Variants in RBM33 observed in about 807,000 individuals in gnomAD.
RBM33 encodes the protein RNA binding motif protein 33, also known as RNA-binding protein 33.
A neutral mutation model predicts 132.6 loss-of-function variants in RBM33; 28 were observed. The observed-to-expected ratio is 0.21, with a 90% confidence interval of 0.16 to 0.29. RBM33 has a LOEUF of 0.29. Among genes scored for constraint, RBM33 ranks in the 10% least tolerant of loss-of-function variants. The probability of loss-of-function intolerance (pLI) is 1.00; values close to 1 mark genes in which losing one functional copy is unlikely to be tolerated. For synonymous variants in RBM33, 634 were observed against 593.0 expected, an observed-to-expected ratio of 1.07 and a Z score of -1.01; for missense variants, 1,291 against 1,518.5, an observed-to-expected ratio of 0.85 and a Z score of 2.49.
In RBM33 at chr7:155,718,395, A is replaced by G. The variant is rs201955520; in HGVS notation, c.1212A>G (p.Leu404=). The change falls in exon 9 of 18, where the codon CTA becomes CTG. Residue 404 remains leucine (L), a synonymous_variant. Coordinates refer to ENST00000401878, the MANE Select transcript of RBM33 (RefSeq NM_053043.3). ...TVVTPVQVPL[L]PVPSQPRPAV... is the part of the protein sequence containing the mutation. ...GGGTTTTTCTTGCAGTGCCCTTGCTACCAGTTCCGAGCCAGCCGAGACCTG... is the reference window on the plus strand; with the variant it reads ...GGGTTTTTCTTGCAGTGCCCTTGCTGCCAGTTCCGAGCCAGCCGAGACCTG... 1.2e-6 allele frequency: 2 copies of G among 1,613,872 alleles called. No homozygotes were observed. The highest frequency in any genetic ancestry group is 2.7e-5 in the African/African-American group (2 of 75,028).
chr7:155,673,482 GTATA>G lies in RBM33; in HGVS notation c.171+574_171+577del, dbSNP rs537794764. Among the ~76,000 whole-genome samples the G allele has an allele frequency of 2.1e-5, 3 of 143,122 alleles. No homozygotes were observed. The East Asian group carries it at 6.4e-4, about 31-fold the overall frequency. The allele number at this position is 143,122 out of a possible 152,430, so 93.9% of individuals were successfully genotyped here. A position where few individuals can be genotyped will look rare whatever the true frequency, so the allele number is the denominator to read the frequency against. On this transcript the variant is annotated intron_variant, in intron 3 of 17. Coordinates refer to ENST00000401878, the MANE Select transcript of RBM33 (RefSeq NM_053043.3). ...CACATATATATATACATACACGTGT[GTATA>G]TATATACACACATATATACATACAC...
Position 155,739,991 on chromosome 7 carries a change from C to T in RBM33, c.2014C>T (p.Arg672Trp), listed in dbSNP as rs1182674363. The T allele has an allele frequency of 5.1e-6, 8 of 1,565,116 alleles. No homozygotes were observed. Among genetic ancestry groups the T allele is most frequent in the East Asian group, 2.3e-5 (1 of 42,828 alleles). Residue 672 changes from arginine (R) to tryptophan (W), a missense_variant, in exon 12 of 18, where the codon CGG becomes TGG. By Grantham distance (101) the Arg-to-Trp change is moderately radical. Transcript: ENST00000401878. ...QTAQPQASSSRMQCPQRQGLR... is the reference protein window; with the variant it reads ...QTAQPQASSSWMQCPQRQGLR... ...CGCTCAGCCTCAGGCCAGCAGCAGC[C>T]GGATGCAGTGCCCCCAGCGCCAGGG... is the stretch of plus-strand genomic sequence containing the variant.
At chr7:155,773,093 T>C (rs1002832852) in intron 16 of RBM33, among the ~76,000 whole-genome samples, 2 of 152,250 alleles carry the variant, frequency 1.3e-5, no homozygotes, top group African/African-American at 4.8e-5. Context: ...TGTGCCTCAG[T>C]ATTTTCAAGG....
At chr7:155,735,183 A>G (rs1421197657) in intron 9 of RBM33, among the ~76,000 whole-genome samples, 2 of 152,228 alleles carry the variant, frequency 1.3e-5, no homozygotes, top group East Asian at 1.9e-4. Context: ...GAGGAATACA[A>G]TATTATTTTG....
rs1221855987 is a variant in RBM33 at position 155,706,984 on chromosome 7, G to T, written c.864G>T (p.Val288=). The T allele has an allele frequency of 1.9e-6, 3 of 1,594,674 alleles. No homozygotes were observed. The highest frequency in any genetic ancestry group is 2.7e-5 in the African/African-American group (2 of 74,568). The change falls in exon 7 of 18, where the codon GTG becomes GTT. Residue 288 remains valine (V), a synonymous_variant. Transcript: ENST00000401878. ...RRGGPLMCRG[V]GDQRRESTER... ...GAGGTCCGCTGATGTGTCGTGGTGT[G>T]GGGGACCAGAGGAGAGAGAGCACCG...
At chr7:155,690,276 G>A (rs979417774) in intron 5 of RBM33, among the ~76,000 whole-genome samples, 1 of 152,132 alleles carries the variant, frequency 6.6e-6, no homozygotes, top group Non-Finnish European at 1.5e-5. Context: ...TGTTTTATCA[G>A]AGAGTAGGAT....
intron 14 of RBM33, among the ~76,000 whole-genome samples, chr7:155,759,702 A>G (rs1330186943): frequency 1.3e-5 from 2 of 152,238 alleles, no homozygotes; most frequent in South Asian, 4.1e-4. Context: ...AAAATTATCA[A>G]ATTACTACAG....
chr7:155,763,173 C>T (rs934630038), intron 14 of RBM33, among the ~76,000 whole-genome samples: 60 of 152,232 alleles, frequency 3.9e-4, no homozygotes, highest in Admixed American at 9.2e-4. Flanking sequence ...TCCACGTACT[C>T]TGTAGTTGCT....
At chr7:155,699,887 A>C (rs2116956348) in intron 5 of RBM33, among the ~76,000 whole-genome samples, 1 of 152,362 alleles carries the variant, frequency 6.6e-6, no homozygotes, top group Middle Eastern at 3.4e-3. Context: ...TCATGAGACT[A>C]AAGGAGCAAA....
chr7:155,675,111 A>G (rs34230991), intron 3 of RBM33, among the ~76,000 whole-genome samples: 1,614 of 152,198 alleles, frequency 0.011, 14 homozygotes, highest in Non-Finnish European at 0.014. Context: ...GTTGGAGACC[A>G]GCCTGGCCAA....
At position 155,739,824 on chromosome 7, in the gene RBM33, C is replaced by A; in HGVS notation, c.1847C>A (p.Pro616Gln). The A allele has an allele frequency of 1.6e-6, 2 of 1,249,956 alleles. No individual in the cohort carries two copies. Among genetic ancestry groups the A allele is most frequent in the Non-Finnish European group, 2.2e-6 (2 of 892,496 alleles). 77.4% of individuals were successfully genotyped at this position (1,249,956 alleles called of 1,614,324 possible). Residue 616 changes from proline to glutamine, a missense_variant, in exon 12 of 18, where the codon CCG becomes CAG. Physicochemically the swap from Pro to Gln is moderately conservative, Grantham distance 76 (BLOSUM62 -1). Around this residue, in one of 7 missense-constraint regions of RBM33, gnomAD observed 841 missense variants for 912.0 expected, o/e 0.92. Coordinates refer to ENST00000401878, the MANE Select transcript of RBM33 (RefSeq NM_053043.3). ...QPPHQPPHQP[P>Q]PQHQPPPQHP... is the part of the protein sequence containing the mutation. Reference sequence around the variant, plus strand: ...CCGCACCAGCCCCCGCACCAGCCCCCGCCCCAGCACCAGCCCCCACCCCAG... The same window carrying A: ...CCGCACCAGCCCCCGCACCAGCCCCAGCCCCAGCACCAGCCCCCACCCCAG...
intron 5 of RBM33, among the ~76,000 whole-genome samples, chr7:155,697,568 C>A (rs4716537): frequency 0.74 from 112,839 of 151,790 alleles, 42,150 homozygotes; most frequent in South Asian, 0.79. Flanking sequence ...CTCTCTCTCT[C>A]TATATATATA....
In RBM33 at chr7:155,741,879, A is replaced by G; in HGVS notation, c.2110A>G (p.Arg704Gly). The G allele has an allele frequency of 6.2e-7, 1 of 1,614,064 alleles. No homozygotes were observed. The highest frequency in any genetic ancestry group is 8.5e-7 in the Non-Finnish European group (1 of 1,179,890). The change falls in exon 13 of 18, where the codon AGG becomes GGG. Residue 704 changes from arginine to glycine, a missense_variant. Physicochemically the swap from Arg to Gly is moderately radical, Grantham distance 125 (BLOSUM62 -2). Coordinates refer to ENST00000401878, the MANE Select transcript of RBM33 (RefSeq NM_053043.3). ...PMQQMQPTAP[R>G]NSNLRELPIA... is the part of the protein sequence containing the mutation. ...GCAGCAAATGCAGCCCACTGCGCCA[A>G]GGAACAGCAATTTGCGTGAATTACC...
At chr7:155,722,361 G>A (rs965918160) in intron 9 of RBM33, among the ~76,000 whole-genome samples, 1 of 152,180 alleles carries the variant, frequency 6.6e-6, no homozygotes, top group Non-Finnish European at 1.5e-5. Flanking sequence ...GCTATTTCAC[G>A]AAACACTGTG....
chr7:155,657,020 T>G (rs958629176), intron 1 of RBM33, among the ~76,000 whole-genome samples: 1 of 152,086 alleles, frequency 6.6e-6, no homozygotes, highest in Non-Finnish European at 1.5e-5. Context: ...GCATATATTA[T>G]GTGGTCAAGA....
At chr7:155,689,094 T>TC (rs1231313632) in intron 5 of RBM33, among the ~76,000 whole-genome samples, 1 of 152,216 alleles carries the variant, frequency 6.6e-6, no homozygotes, top group African/African-American at 2.4e-5. Context: ...TGTGAATCCA[T>TC]CTGGTCCTGG....
chr7:155,656,990 G>C (rs772888890), intron 1 of RBM33, among the ~76,000 whole-genome samples: 9 of 150,794 alleles, frequency 6.0e-5, no homozygotes, highest in Non-Finnish European at 7.4e-5. Context: ...TTGTATGTCA[G>C]TTGTCTAGAA....
chr7:155,666,093 C>T (rs913189871), intron 2 of RBM33, among the ~76,000 whole-genome samples: 1 of 152,108 alleles, frequency 6.6e-6, no homozygotes, highest in African/African-American at 2.4e-5. Flanking sequence ...CAGGATTCTC[C>T]AGAGGAGCAG....
rs75420447 is a variant in RBM33 at position 155,776,107 on chromosome 7, T to C, written c.*1066T>C. On this transcript the variant is annotated 3_prime_UTR_variant, in exon 18 of 18. Transcript: ENST00000401878. This position sits in a 1 kb window ranked among gnomAD's most constrained non-coding sequence, Gnocchi z 4.0. ...GTCTGTGTCATCATTGAAACTGCTT[T>C]TCGTAATTGCGGGTAGGTTCCTGTA... 6.6e-6 allele frequency: 1 copy of C among 152,652 alleles called. No individual in the cohort carries two copies. The highest frequency in any genetic ancestry group is 2.4e-5 in the African/African-American group (1 of 41,576). The allele number at this position is 152,652 out of a possible 1,614,324, so 9.5% of individuals were successfully genotyped here.
Sources: allele counts gnomAD v4.1 joint callset (sites outside exome capture counted in the v4.1 genomes callset), GRCh38; gene constraint gnomAD v4.1.1; regional missense constraint gnomAD v4.1.1; non-coding constraint Gnocchi (gnomAD v3.1); transcripts MANE v1.5; gene names NCBI Gene and HGNC (gene_info 2026-07-23, HGNC 2026-07-21).